Variants in KIAA0319 observed in about 807,000 individuals in gnomAD.
The protein encoded by KIAA0319 is KIAA0319.
KIAA0319 carries 83 observed loss-of-function variants against 108.4 expected under a neutral mutation model. The ratio of observed to expected loss-of-function variants is 0.77; its 90% CI spans 0.64 to 0.92. The LOEUF is 0.92. Among genes scored for constraint, KIAA0319 ranks in the 40% least tolerant of loss-of-function variants. The pLI is 0.00. For synonymous variants in KIAA0319, 484 were observed against 510.4 expected, an observed-to-expected ratio of 0.95 and a Z score of 0.70; for missense variants, 1,195 against 1,322.4, an observed-to-expected ratio of 0.90 and a Z score of 1.49.
intron 10 of KIAA0319, 138 bp from the exon 11 acceptor site, chr6:24,572,836 C>T (rs2127464646): frequency 4.5e-6 from 4 of 883,782 alleles, no homozygotes; most frequent in Non-Finnish European, 4.9e-6. Flanking sequence ...ATGTGTTTGG[C>T]CAGGCACGGT....
At chr6:24,585,092 T>C (rs1767258124) in intron 4 of KIAA0319, among the ~76,000 whole-genome samples, 1 of 152,244 alleles carries the variant, frequency 6.6e-6, no homozygotes, top group Admixed American at 6.5e-5. Flanking sequence ...ATAACTTCCT[T>C]ATTGGAAAAT....
chr6:24,562,599 G>T (rs1290398879), intron 16 of KIAA0319, among the ~76,000 whole-genome samples: 1 of 152,164 alleles, frequency 6.6e-6, no homozygotes, highest in African/African-American at 2.4e-5. Context: ...CAGCACCCTG[G>T]GAGGCCTAAG....
chr6:24,541,431 A>T (rs1760188922), downstream of KIAA0319, among the ~76,000 whole-genome samples: 1 of 152,236 alleles, frequency 6.6e-6, no homozygotes, highest in Non-Finnish European at 1.5e-5. Flanking sequence ...ACATCTCTTT[A>T]AAGGCTCTAT....
chr6:24,641,123 C>G (rs1049154259), intron 1 of KIAA0319, among the ~76,000 whole-genome samples: 4 of 152,204 alleles, frequency 2.6e-5, no homozygotes, highest in African/African-American at 9.7e-5. Context: ...ACGAATTTGA[C>G]TACACTGAAT....
At chr6:24,550,008 T>G (rs577547039) in intron 20 of KIAA0319, among the ~76,000 whole-genome samples, 6 of 152,172 alleles carry the variant, frequency 3.9e-5, no homozygotes, top group Admixed American at 2.0e-4. Flanking sequence ...TAATGCAACC[T>G]AAAGCACGTT....
At chr6:24,575,156 TAATC>T (rs913282684) in intron 10 of KIAA0319, among the ~76,000 whole-genome samples, 4 of 152,218 alleles carry the variant, frequency 2.6e-5, no homozygotes, top group Admixed American at 2.6e-4. Flanking sequence ...TTGGACATCT[TAATC>T]AAGCTTAAGG....
At chr6:24,568,753 C>T (rs1764249544) in intron 13 of KIAA0319, 28 bp downstream of exon 13, 1 of 1,608,384 alleles carries the variant, frequency 6.2e-7, no homozygotes, top group Non-Finnish European at 8.5e-7. Flanking sequence ...AGAGCAGGCC[C>T]AGCCCTGTCC....
At chr6:24,564,084 C>G in intron 15 of KIAA0319, 118 bp downstream of exon 15, 1 of 1,297,948 alleles carries the variant, frequency 7.7e-7, no homozygotes, top group Non-Finnish European at 1.1e-6. Flanking sequence ...GTGGGTCCAG[C>G]CAAGAGCTGG....
chr6:24,581,071 G>GTCT, intron 6 of KIAA0319, 58 bp from the exon 7 acceptor site: 2 of 1,108,980 alleles, frequency 1.8e-6, no homozygotes, highest in Non-Finnish European at 2.7e-6. Context: ...GGTCCACTAC[G>GTCT]TAGAAAAAGC....
At chr6:24,616,778 A>G (rs1348770775) in intron 1 of KIAA0319, among the ~76,000 whole-genome samples, 1 of 152,210 alleles carries the variant, frequency 6.6e-6, no homozygotes, top group East Asian at 1.9e-4. Flanking sequence ...AATGAACCAC[A>G]TATCTATCTT....
At chr6:24,617,470 C>T (rs944477888) in intron 1 of KIAA0319, among the ~76,000 whole-genome samples, 24 of 152,132 alleles carry the variant, frequency 1.6e-4, no homozygotes, top group African/African-American at 5.5e-4. Flanking sequence ...TAGCTGTACT[C>T]ACAAGAGAAT....
chr6:24,597,923 A>AC (rs1467820059), intron 2 of KIAA0319: 6 of 104,560 alleles, frequency 5.7e-5, no homozygotes, highest in African/African-American at 2.4e-4. Context: ...ATCTCAAAAA[A>AC]AAAAAAAAAA....
chr6:24,583,495 C>T, intron 5 of KIAA0319, 109 bp downstream of exon 5: 2 of 744,176 alleles, frequency 2.7e-6, no homozygotes, highest in Non-Finnish European at 4.5e-6. Flanking sequence ...TTGTTTGTGA[C>T]GTCGTGCAAT....
intron 20 of KIAA0319, among the ~76,000 whole-genome samples, chr6:24,549,681 C>T (rs1442066323): frequency 2.0e-5 from 3 of 152,182 alleles, no homozygotes; most frequent in Non-Finnish European, 4.4e-5. Context: ...GCACATACCT[C>T]GTACCGCTAT....
chr6:24,555,764 C>A (rs1453465711), intron 18 of KIAA0319, among the ~76,000 whole-genome samples: 2 of 152,130 alleles, frequency 1.3e-5, no homozygotes, highest in Non-Finnish European at 2.9e-5. Flanking sequence ...GTTTTTGGTG[C>A]CTGCCTGTGT....
rs2127398761 is a variant in KIAA0319 at position 24,545,622 on chromosome 6, T to A, written c.*1543A>T. The A allele has an allele frequency of 6.6e-6, 1 of 152,310 alleles. No homozygotes were observed. The highest frequency in any genetic ancestry group is 2.1e-4 in the South Asian group (1 of 4,820). The allele number at this position is 152,310 out of a possible 1,614,324, so 9.4% of individuals were successfully genotyped here. ...GTAGGCATAAGCAAAGCAATTATTT[T>A]AAAAATAAAATGACACACTTTTTAG... is the stretch of plus-strand genomic sequence containing the variant. On this transcript the variant is annotated 3_prime_UTR_variant, in exon 21 of 21. Transcript: ENST00000378214.
intron 12 of KIAA0319, 103 bp from the exon 13 acceptor site, chr6:24,569,032 T>C: frequency 1.7e-6 from 2 of 1,148,168 alleles, no homozygotes; most frequent in Non-Finnish European, 2.5e-6. Flanking sequence ...CCAGCTATAA[T>C]ATATACCATT....
At chr6:24,597,925 A>AAAAAAAAAC (rs1254730053) in intron 2 of KIAA0319, 8 of 111,876 alleles carry the variant, frequency 7.2e-5, no homozygotes, top group Non-Finnish European at 1.2e-4. Context: ...CTCAAAAAAA[A>AAAAAAAAAC]AAAAAAAAAA....
At chr6:24,581,074 G>A (rs1766461623) in intron 6 of KIAA0319, 61 bp from the exon 7 acceptor site, 1 of 1,058,614 alleles carries the variant, frequency 9.4e-7, no homozygotes, top group East Asian at 2.4e-5. Flanking sequence ...CCACTACGTA[G>A]AAAAAGCTAA....
Sources: allele counts gnomAD v4.1 joint callset (sites outside exome capture counted in the v4.1 genomes callset), GRCh38; gene constraint gnomAD v4.1.1; transcripts MANE v1.5; gene names NCBI Gene and HGNC (gene_info 2026-07-23, HGNC 2026-07-21).